Variants in BCL2 observed in about 807,000 individuals in gnomAD.
The protein encoded by BCL2 is apoptosis regulator Bcl-2.
BCL2 carries 1 observed loss-of-function variant against 14.2 expected under a neutral mutation model. That is an observed-to-expected ratio of 0.07 (90% CI 0.02 to 0.33). The LOEUF (loss-of-function observed/expected upper bound fraction) is 0.33. BCL2 is among the 10% of genes least tolerant of loss of function. BCL2 has a pLI of 0.99. For synonymous variants in BCL2, 151 were observed against 137.2 expected (o/e 1.10, Z -0.70); for missense variants, 247 against 305.9 (o/e 0.81, Z 1.44).
At chr18:63,302,415 T>C (rs766600787) in intron 2 of BCL2, 10 of 985,278 alleles carry the variant, frequency 1.0e-5, no homozygotes, top group East Asian at 1.1e-4. Flanking sequence ...GTGAACTCTG[T>C]CTTGCTTAAT....
intron 2 of BCL2, among the ~76,000 whole-genome samples, chr18:63,168,400 C>G (rs1915096622): frequency 6.6e-6 from 1 of 152,164 alleles, no homozygotes; most frequent in South Asian, 2.1e-4. Flanking sequence ...TCCCCTTGGA[C>G]CACCAGCAGC....
chr18:63,189,494 C>G (rs1050115942), intron 2 of BCL2, among the ~76,000 whole-genome samples: 2 of 152,128 alleles, frequency 1.3e-5, no homozygotes, highest in Admixed American at 6.5e-5. Flanking sequence ...AGAGCTCCCC[C>G]ACCCCTAAAA....
intron 2 of BCL2, among the ~76,000 whole-genome samples, chr18:63,196,721 A>T (rs1250060315): frequency 1.3e-5 from 2 of 152,206 alleles, no homozygotes; most frequent in Non-Finnish European, 2.9e-5. Context: ...TTTATATACA[A>T]TTTTTGTTTG....
At chr18:63,292,553 C>T (rs753775572) in intron 2 of BCL2, among the ~76,000 whole-genome samples, 14 of 152,178 alleles carry the variant, frequency 9.2e-5, no homozygotes, top group South Asian at 2.1e-4. Context: ...GGGGGGCTTG[C>T]GCACAGAAGG....
At chr18:63,302,235 A>T in intron 2 of BCL2, 1 of 629,832 alleles carries the variant, frequency 1.6e-6, no homozygotes, top group Non-Finnish European at 2.0e-6. Flanking sequence ...CGGGAGGCTG[A>T]GGTTGCAGTG....
rs141879269 is a variant in BCL2, at chr18:63,269,099, C to T, written c.585+48983G>A. Among the ~76,000 whole-genome samples, 942 of 151,954 alleles carry T rather than the reference C, an allele frequency of 6.2e-3. 8 individuals are homozygous for T. Among genetic ancestry groups the T allele is most frequent in the African/African-American group, 0.022 (906 of 41,430 alleles). On this transcript the variant is annotated intron_variant, in intron 2 of 2. Coordinates refer to ENST00000333681, the MANE Select transcript of BCL2 (RefSeq NM_000633.3). ...AAGTAGCTAGGACTATAGGTGCATA[C>T]ACACCACCATGATCGGTAATTTTTT...
intron 2 of BCL2, among the ~76,000 whole-genome samples, chr18:63,256,702 G>A (rs1212333143): frequency 3.9e-5 from 6 of 152,086 alleles, no homozygotes; most frequent in African/African-American, 1.4e-4. Flanking sequence ...GGGGTATGGG[G>A]TTCTACTTAC....
At chr18:63,174,389 C>G (rs570319618) in intron 2 of BCL2, among the ~76,000 whole-genome samples, 1 of 150,500 alleles carries the variant, frequency 6.6e-6, no homozygotes, top group Non-Finnish European at 1.5e-5. Flanking sequence ...TTTTTTTTTT[C>G]TTCTCTGCTC....
Position 63,177,361 on chromosome 18 carries a change from C to G in BCL2, c.586-48602G>C, listed in dbSNP as rs1273588116. On this transcript the variant is annotated intron_variant, in intron 2 of 2. Coordinates refer to ENST00000333681, the MANE Select transcript of BCL2 (RefSeq NM_000633.3). ...ACAAAATTCACTTCTACCAAGGATG[C>G]CTCTCCACAAAATGAGGAGTAGCAC... Among the ~76,000 whole-genome samples, 3 of 152,306 alleles carry G rather than the reference C, an allele frequency of 2.0e-5. No individual in the cohort carries two copies. The East Asian group carries it at 5.8e-4, about 29-fold the overall frequency.
At chr18:63,199,178 CACAT>C (rs1181362759) in intron 2 of BCL2, among the ~76,000 whole-genome samples, 7 of 146,708 alleles carry the variant, frequency 4.8e-5, no homozygotes, top group African/African-American at 7.6e-5. Context: ...ATCACATAGA[CACAT>C]ACACAGACAC....
chr18:63,187,088 T>G (rs549992292), intron 2 of BCL2, among the ~76,000 whole-genome samples: 1 of 152,220 alleles, frequency 6.6e-6, no homozygotes, highest in African/African-American at 2.4e-5. Flanking sequence ...CAGGAAGTTA[T>G]CGTTTCATTC....
At chr18:63,253,881 C>T (rs1911388616) in intron 2 of BCL2, among the ~76,000 whole-genome samples, 1 of 145,426 alleles carries the variant, frequency 6.9e-6, no homozygotes, top group Non-Finnish European at 1.5e-5. Context: ...TCTGGACTCG[C>T]ACAGTTCCAA....
intron 2 of BCL2, among the ~76,000 whole-genome samples, chr18:63,162,269 A>G (rs1185893603): frequency 6.6e-6 from 1 of 152,192 alleles, no homozygotes; most frequent in Non-Finnish European, 1.5e-5. Flanking sequence ...TATAAACAAA[A>G]AACTGCTCAA....
chr18:63,296,932 G>T (rs1456859211), intron 2 of BCL2, among the ~76,000 whole-genome samples: 2 of 152,204 alleles, frequency 1.3e-5, no homozygotes, highest in Non-Finnish European at 2.9e-5. Flanking sequence ...ATGGGAACCG[G>T]CCCCGCACGG....
At chr18:63,172,786 CA>C (rs1195794358) in intron 2 of BCL2, among the ~76,000 whole-genome samples, 1 of 151,910 alleles carries the variant, frequency 6.6e-6, no homozygotes, top group Non-Finnish European at 1.5e-5. Flanking sequence ...GTCTCAAAAA[CA>C]AAAAACAAAA....
At chr18:63,289,308 A>G (rs146759870) in intron 2 of BCL2, among the ~76,000 whole-genome samples, 2 of 152,248 alleles carry the variant, frequency 1.3e-5, no homozygotes, top group African/African-American at 4.8e-5. Context: ...GGTGGTAAAG[A>G]TTTAGAAATC....
intron 2 of BCL2, among the ~76,000 whole-genome samples, chr18:63,176,319 T>C (rs1915347932): frequency 6.6e-6 from 1 of 152,222 alleles, no homozygotes; most frequent in Non-Finnish European, 1.5e-5. Context: ...CCAGTGGGCC[T>C]GAGGAGGGCA....
intron 2 of BCL2, among the ~76,000 whole-genome samples, chr18:63,209,700 G>A (rs1157390999): frequency 2.0e-5 from 3 of 152,116 alleles, no homozygotes; most frequent in Non-Finnish European, 2.9e-5. Flanking sequence ...AAAATTGGAA[G>A]GATTAGAGAG....
intron 2 of BCL2, among the ~76,000 whole-genome samples, chr18:63,136,607 T>G (rs1226646600): frequency 6.6e-6 from 1 of 152,258 alleles, no homozygotes; most frequent in African/African-American, 2.4e-5. Flanking sequence ...GACTCATGCA[T>G]GAGTTACCTC....
Sources: gnomAD v4.1 joint callset for allele counts (sites outside exome capture counted in the v4.1 genomes callset) on GRCh38, gnomAD v4.1.1 for gene constraint, MANE v1.5 for transcripts, NCBI Gene and HGNC (gene_info 2026-07-23, HGNC 2026-07-21) for gene names.